Variants in CCT6A observed in about 807,000 individuals in gnomAD.
CCT6A encodes the protein T-complex protein 1 subunit zeta.
A neutral mutation model predicts 58.6 loss-of-function variants in CCT6A; 6 were observed. The ratio of observed to expected loss-of-function variants is 0.10; its 90% CI spans 0.06 to 0.20. The LOEUF (loss-of-function observed/expected upper bound fraction) is 0.20, where lower values mean the gene tolerates loss of function less well. Among genes scored for constraint, CCT6A ranks in the 10% least tolerant of loss-of-function variants. The pLI is 1.00. For synonymous variants in CCT6A, 245 were observed against 227.8 expected (o/e 1.08, Z -0.68); for missense variants, 516 against 648.8 (o/e 0.80, Z 2.22).
In CCT6A at chr7:56,062,675, C is replaced by G; in HGVS notation, c.1451-8C>G. On this transcript the variant is annotated splice_polypyrimidine_tract_variant and splice_region_variant and intron_variant, in intron 12 of 13. Coordinates refer to ENST00000275603, the MANE Select transcript of CCT6A (RefSeq NM_001762.4). The stretch of plus-strand genomic sequence containing the variant: ...CTGAACTTATTTTAAGATTTGGTTG[C>G]CTTTTAGGTGAGCCAATGGTGGCAG... The G allele has an allele frequency of 6.2e-7, 1 of 1,612,848 alleles. No individual in the cohort carries two copies. Among genetic ancestry groups the G allele is most frequent in the Non-Finnish European group, 8.5e-7 (1 of 1,178,912 alleles).
chr7:56,053,611 G>A (rs10255049), intron 2 of CCT6A, among the ~76,000 whole-genome samples: 96,458 of 151,908 alleles, frequency 0.63, 31,156 homozygotes, highest in Non-Finnish European at 0.69. Context: ...AAAATTAGCC[G>A]GGTGTGGTCC....
At chr7:56,054,671 A>T (rs185640061) in intron 3 of CCT6A, among the ~76,000 whole-genome samples, 168 bp downstream of exon 3, 56 of 152,352 alleles carry the variant, frequency 3.7e-4, no homozygotes, top group Admixed American at 3.1e-3. Context: ...TGGACAGGTT[A>T]TAGAACCTTT....
At position 56,052,495 on chromosome 7, in the gene CCT6A, G is replaced by T. The variant is rs1308518704; in HGVS notation, c.201+10G>T. 6.2e-7 allele frequency: 1 copy of T among 1,610,160 alleles called. No individual in the cohort carries two copies. The highest frequency in any genetic ancestry group is 8.5e-7 in the Non-Finnish European group (1 of 1,176,386). On this transcript the variant is annotated intron_variant, in intron 2 of 13. Coordinates refer to ENST00000275603, the MANE Select transcript of CCT6A (RefSeq NM_001762.4). ...GCTGCTTCACGAAATGGTGAGAGGT[G>T]CTCTGGGCTAGGTCAGAAAGGTCTT...
chr7:56,059,681 C>G (rs767817699), intron 9 of CCT6A, 41 bp downstream of exon 9: 11 of 976,494 alleles, frequency 1.1e-5, no homozygotes, highest in Non-Finnish European at 1.7e-5. Context: ...AACCTTTTAG[C>G]TCGTGAATTA....
At chr7:56,061,706 T>C (rs769353137) in intron 11 of CCT6A, 41 bp from the exon 12 acceptor site, 3 of 784,112 alleles carry the variant, frequency 3.8e-6, no homozygotes, top group East Asian at 5.5e-5. Flanking sequence ...CTATCAGTTA[T>C]TAGTTCCTGT....
intron 8 of CCT6A, among the ~76,000 whole-genome samples, 197 bp from the exon 9 acceptor site, chr7:56,059,347 G>A (rs1315563794): frequency 6.6e-6 from 1 of 152,140 alleles, no homozygotes; most frequent in Admixed American, 6.6e-5. Context: ...GCTAACTTGG[G>A]GAGAGTGGTT....
chr7:56,053,906 C>T (rs561107404), intron 2 of CCT6A, among the ~76,000 whole-genome samples: 6 of 152,348 alleles, frequency 3.9e-5, no homozygotes, highest in African/African-American at 1.4e-4. Context: ...GCTACCACCT[C>T]AGAAGTCTCG....
intron 4 of CCT6A, 128 bp downstream of exon 4, chr7:56,055,925 A>G: frequency 1.5e-6 from 1 of 647,234 alleles, no homozygotes; most frequent in Admixed American, 3.2e-5. Flanking sequence ...TGTGGCAATG[A>G]TACCTAATCT....
At position 56,051,796 on chromosome 7, in the gene CCT6A, C is replaced by T. The variant is rs1227844134; in HGVS notation, c.-53C>T. On this transcript the variant is annotated 5_prime_UTR_variant, in exon 1 of 14. Transcript: ENST00000275603. ...CCCGGATAGTTCCTCCCGGCCACGC[C>T]GCGCCGGCTCTGGGCACTCAGCATC... 3.9e-6 allele frequency: 6 copies of T among 1,536,302 alleles called. No homozygotes were observed. The East Asian group carries it at 7.7e-5, about 20-fold the overall frequency.
Position 56,063,785 on chromosome 7 carries a change from G to A in CCT6A, c.*700G>A, listed in dbSNP as rs1455179506. On this transcript the variant is annotated 3_prime_UTR_variant, in exon 14 of 14. Coordinates refer to ENST00000275603, the MANE Select transcript of CCT6A (RefSeq NM_001762.4). ...GATTGTAGGCCAACTGTATTTTCAAGCTTCTGAACTTAGGCAAAATATTCA... is the reference window on the plus strand; with the variant it reads ...GATTGTAGGCCAACTGTATTTTCAAACTTCTGAACTTAGGCAAAATATTCA... The A allele has an allele frequency of 6.3e-6, 1 of 158,406 alleles. No homozygotes were observed. The highest frequency in any genetic ancestry group is 1.4e-5 in the Non-Finnish European group (1 of 72,046). The allele number at this position is 158,406 out of a possible 1,614,324, so 9.8% of individuals were successfully genotyped here. A position where few individuals can be genotyped will look rare whatever the true frequency, so the allele number is the denominator to read the frequency against.
chr7:56,060,560 T>C, intron 10 of CCT6A, 144 bp downstream of exon 10: 1 of 994,468 alleles, frequency 1.0e-6, no homozygotes, highest in Non-Finnish European at 1.6e-6. Context: ...GATGGTATGC[T>C]AAGGTTTTTC....
chr7:56,059,846 A>G (rs1254266700), intron 9 of CCT6A: 2 of 486,106 alleles, frequency 4.1e-6, no homozygotes, highest in Non-Finnish European at 3.6e-6. Flanking sequence ...GTGTGCTACC[A>G]TGACTGGCTA....
At chr7:56,052,110 CG>C in intron 1 of CCT6A, 125 bp downstream of exon 1, 3 of 834,470 alleles carry the variant, frequency 3.6e-6, no homozygotes, top group Non-Finnish European at 4.9e-6. Context: ...CGGCGTCCTC[CG>C]GGGTCGGTCC....
At position 56,063,205 on chromosome 7, in the gene CCT6A, G is replaced by A; in HGVS notation, c.*120G>A. 1 of 737,986 alleles carries A rather than the reference G, an allele frequency of 1.4e-6. No homozygotes were observed. Among genetic ancestry groups the A allele is most frequent in the African/African-American group, 1.8e-5 (1 of 57,030 alleles). The allele number at this position is 737,986 out of a possible 1,614,324, so 45.7% of individuals were successfully genotyped here. ...AAAGAAATTTTCCCATATGAAAAAA[G>A]GAGAGAACACTGGCATCTGTTGAAA... On this transcript the variant is annotated 3_prime_UTR_variant, in exon 14 of 14. Coordinates refer to ENST00000275603, the MANE Select transcript of CCT6A (RefSeq NM_001762.4).
In CCT6A at chr7:56,063,600, T is replaced by TA. The variant is rs1004870974; in HGVS notation, c.*519dup. The TA allele has an allele frequency of 1.8e-5, 3 of 163,682 alleles. No homozygotes were observed. The highest frequency in any genetic ancestry group is 7.2e-5 in the African/African-American group (3 of 41,428). 10.1% of individuals were successfully genotyped at this position (163,682 alleles called of 1,614,324 possible). A position where few individuals can be genotyped will look rare whatever the true frequency, so the allele number is the denominator to read the frequency against. The stretch of plus-strand genomic sequence containing the variant: ...TTGAACGCCTTTGAAATGGCTTTGC[T>TA]AAAATGCTCCCGCCACAAAGTTGTA... On this transcript the variant is annotated 3_prime_UTR_variant, in exon 14 of 14. Transcript: ENST00000275603.
chr7:56,054,285 A>G lies in CCT6A; in HGVS notation c.202-84A>G, dbSNP rs1329427079. ...AGCTTTTTCAAGTAGATAGCACTCA[A>G]AGAGGCCCTTCCTGCATTTTGTCTG... On this transcript the variant is annotated intron_variant, in intron 2 of 13. Coordinates refer to ENST00000275603, the MANE Select transcript of CCT6A (RefSeq NM_001762.4). 4 of 1,194,146 alleles carry G rather than the reference A, an allele frequency of 3.3e-6. No individual in the cohort carries two copies. In the East Asian group the frequency reaches 7.1e-5, roughly 21 times the overall value. 74.0% of individuals were successfully genotyped at this position (1,194,146 alleles called of 1,614,324 possible).
At chr7:56,058,144 G>C (rs1212105661) in intron 6 of CCT6A, 41 bp downstream of exon 6, 1 of 1,184,510 alleles carries the variant, frequency 8.4e-7, no homozygotes, top group African/African-American at 1.5e-5. Context: ...GAGAAGCTTC[G>C]TATTTTAGGC....
Position 56,052,478 on chromosome 7 carries a change from A to T in CCT6A, c.194A>T (p.His65Leu). The T allele has an allele frequency of 6.2e-7, 1 of 1,613,560 alleles. No individual in the cohort carries two copies. Among genetic ancestry groups the T allele is most frequent in the Non-Finnish European group, 8.5e-7 (1 of 1,179,460 alleles). ...ACTAAAGACGGCAATGTGCTGCTTCACGAAATGGTGAGAGGTGCTCTGGGC... is the reference window on the plus strand; with the variant it reads ...ACTAAAGACGGCAATGTGCTGCTTCTCGAAATGGTGAGAGGTGCTCTGGGC... ...KLTKDGNVLL[H>L]EMQIQHPTAS... Residue 65 changes from histidine to leucine, a missense_variant, in exon 2 of 14, where the codon CAC becomes CTC. Physicochemically the swap from His to Leu is moderately conservative, Grantham distance 99. Coordinates refer to ENST00000275603, the MANE Select transcript of CCT6A (RefSeq NM_001762.4).
At chr7:56,054,850 G>A (rs1432420869) in intron 3 of CCT6A, among the ~76,000 whole-genome samples, 1 of 152,182 alleles carries the variant, frequency 6.6e-6, no homozygotes, top group African/African-American at 2.4e-5. Context: ...CACTTTTTTA[G>A]CCCTGACTAG....
Sources: gnomAD v4.1 joint callset for allele counts (sites outside exome capture counted in the v4.1 genomes callset) on GRCh38, gnomAD v4.1.1 for gene constraint, MANE v1.5 for transcripts, NCBI Gene and HGNC (gene_info 2026-07-23, HGNC 2026-07-21) for gene names.